Variants in EFCAB14 observed in about 807,000 individuals in gnomAD.
EFCAB14 encodes EF-hand calcium-binding domain-containing protein 14.
EFCAB14 carries 43 observed loss-of-function variants against 56.5 expected under a neutral mutation model. That is an observed-to-expected ratio of 0.76 (90% CI 0.60 to 0.98). The LOEUF (loss-of-function observed/expected upper bound fraction) is 0.98, where lower values mean the gene tolerates loss of function less well. Among genes scored for constraint, EFCAB14 ranks in the 50% least tolerant of loss-of-function variants. The probability of loss-of-function intolerance (pLI) is 0.00; values close to 1 mark genes in which losing one functional copy is unlikely to be tolerated. For synonymous variants in EFCAB14, 235 were observed against 212.9 expected (o/e 1.10, Z -0.90); for missense variants, 538 against 580.3 (o/e 0.93, Z 0.75).
At chr1:46,681,510 C>T (rs1676794346) in intron 10 of EFCAB14, among the ~76,000 whole-genome samples, 1 of 152,172 alleles carries the variant, frequency 6.6e-6, no homozygotes, top group Non-Finnish European at 1.5e-5. Context: ...CAAGGAGCTC[C>T]TATAAACAAG....
chr1:46,695,432 GCA>G (rs1227332127), intron 4 of EFCAB14, among the ~76,000 whole-genome samples: 1 of 152,086 alleles, frequency 6.6e-6, no homozygotes, highest in East Asian at 1.9e-4. Flanking sequence ...TGGAGACTGA[GCA>G]CACACAGATG....
chr1:46,706,312 T>C (rs1251504451), intron 3 of EFCAB14, among the ~76,000 whole-genome samples: 1 of 152,202 alleles, frequency 6.6e-6, no homozygotes, highest in Non-Finnish European at 1.5e-5. Flanking sequence ...TTAAAAATAA[T>C]GGCAGGCTAA....
intron 9 of EFCAB14, chr1:46,684,165 GAA>G (rs1377159185): frequency 4.4e-6 from 1 of 227,006 alleles, no homozygotes; most frequent in Non-Finnish European, 8.6e-6. Context: ...TTACAGAAAG[GAA>G]AAGACTCTCA....
chr1:46,709,612 C>G (rs186260707), intron 2 of EFCAB14, among the ~76,000 whole-genome samples: 27 of 152,268 alleles, frequency 1.8e-4, no homozygotes, highest in Non-Finnish European at 2.6e-4. Context: ...CAGAAGGGTT[C>G]AAATGCTTGT....
chr1:46,702,334 A>T (rs191349864), intron 3 of EFCAB14, among the ~76,000 whole-genome samples: 8 of 152,354 alleles, frequency 5.3e-5, no homozygotes, highest in Admixed American at 3.3e-4. Context: ...ATGAGTGATT[A>T]TTAGTCCTAG....
chr1:46,706,101 A>G (rs1181320254), intron 3 of EFCAB14, among the ~76,000 whole-genome samples: 1 of 152,170 alleles, frequency 6.6e-6, no homozygotes, highest in Non-Finnish European at 1.5e-5. Flanking sequence ...TCCTTGGATC[A>G]AGTGATTCTC....
In EFCAB14 at chr1:46,710,382, G is replaced by A. The variant is rs1313318349; in HGVS notation, c.335-2331C>T. Among the ~76,000 whole-genome samples, 3 of 152,032 alleles carry A rather than the reference G, an allele frequency of 2.0e-5. No homozygotes were observed. The South Asian group carries it at 6.2e-4, about 32-fold the overall frequency. Reference sequence around the variant, plus strand: ...CCTTATAGCTATTTGGAACTATCTAGTGTTAACTCTAGTCATGCTACAGTG... The same window carrying A: ...CCTTATAGCTATTTGGAACTATCTAATGTTAACTCTAGTCATGCTACAGTG... On this transcript the variant is annotated intron_variant, in intron 2 of 10. Coordinates refer to ENST00000371933, the MANE Select transcript of EFCAB14 (RefSeq NM_014774.3).
chr1:46,697,258 A>C (rs1051172587), intron 3 of EFCAB14, among the ~76,000 whole-genome samples: 18 of 152,344 alleles, frequency 1.2e-4, no homozygotes, highest in Middle Eastern at 3.4e-3. Context: ...GAAGGGGCTC[A>C]ATAAATACTC....
intron 3 of EFCAB14, among the ~76,000 whole-genome samples, chr1:46,701,568 G>C (rs1213659488): frequency 2.0e-5 from 3 of 152,164 alleles, no homozygotes. Flanking sequence ...AAGTATCTCG[G>C]GAATGGTAGT....
chr1:46,695,200 C>T (rs556807088), intron 4 of EFCAB14, among the ~76,000 whole-genome samples: 5 of 152,110 alleles, frequency 3.3e-5, no homozygotes, highest in Admixed American at 6.5e-5. Context: ...TGCACATGTA[C>T]CCTAGAACTT....
At chr1:46,689,728 G>A in intron 5 of EFCAB14, 37 bp from the exon 6 acceptor site, 4 of 1,546,732 alleles carry the variant, frequency 2.6e-6, no homozygotes, top group Non-Finnish European at 2.7e-6. Flanking sequence ...AGGCAACAAG[G>A]AATTATTAGG....
Position 46,678,366 on chromosome 1 carries a change from T to C in EFCAB14, c.*95A>G, listed in dbSNP as rs746146972. 1.3e-4 allele frequency: 173 copies of C among 1,343,234 alleles called. No individual in the cohort carries two copies. Among genetic ancestry groups the C allele is most frequent in the Non-Finnish European group, 1.7e-4 (169 of 967,092 alleles). 83.2% of individuals were successfully genotyped at this position (1,343,234 alleles called of 1,614,324 possible). A position where few individuals can be genotyped will look rare whatever the true frequency, so the allele number is the denominator to read the frequency against. ...GTGGCAAAGTATCTGCTACAGTAGTTTGGAGGACTAGAGGACTGATGGGTA... is the reference window on the plus strand; with the variant it reads ...GTGGCAAAGTATCTGCTACAGTAGTCTGGAGGACTAGAGGACTGATGGGTA... On this transcript the variant is annotated 3_prime_UTR_variant, in exon 11 of 11. Transcript: ENST00000371933.
At chr1:46,699,766 C>T (rs1044455279) in intron 3 of EFCAB14, among the ~76,000 whole-genome samples, 3 of 152,204 alleles carry the variant, frequency 2.0e-5, no homozygotes, top group Admixed American at 6.5e-5. Context: ...GAGGTGAAAC[C>T]TACTTCCCCT....
At position 46,718,245 on chromosome 1, in the gene EFCAB14, G is replaced by C; in HGVS notation, c.-158C>G. On this transcript the variant is annotated 5_prime_UTR_variant, in exon 1 of 11. Coordinates refer to ENST00000371933, the MANE Select transcript of EFCAB14 (RefSeq NM_014774.3). Reference sequence around the variant, plus strand: ...CCTAGGGGTGGGACTGACCAGATCCGCCAGGGACTGGAGATTGGAGCCCAG... The same window carrying C: ...CCTAGGGGTGGGACTGACCAGATCCCCCAGGGACTGGAGATTGGAGCCCAG... 1.6e-6 allele frequency: 1 copy of C among 639,188 alleles called. No homozygotes were observed. Among genetic ancestry groups the C allele is most frequent in the Non-Finnish European group, 2.7e-6 (1 of 376,552 alleles). 39.6% of individuals were successfully genotyped at this position (639,188 alleles called of 1,614,324 possible).
chr1:46,685,904 T>C (rs1676873543), intron 8 of EFCAB14, among the ~76,000 whole-genome samples: 1 of 152,218 alleles, frequency 6.6e-6, no homozygotes. Flanking sequence ...AAAACCTTAA[T>C]ATATTGTGAC....
rs17448647 is a variant in EFCAB14 at position 46,707,863 on chromosome 1, C to A, written c.480+43G>T. ...ATCCTATTCATACTAAACAACCAAA[C>A]AAATATTCATAGCTTACACAGCAAA... On this transcript the variant is annotated intron_variant, in intron 3 of 10. Transcript: ENST00000371933. 4.5e-3 allele frequency: 7,144 copies of A among 1,585,410 alleles called. 137 individuals are homozygous for A. Among genetic ancestry groups the A allele is most frequent in the Admixed American group, 0.043 (2,475 of 57,618 alleles).
chr1:46,696,771 C>A, intron 3 of EFCAB14, 122 bp from the exon 4 acceptor site: 1 of 837,940 alleles, frequency 1.2e-6, no homozygotes. Context: ...TTTCTGCAAC[C>A]CTGTCAGCTC....
chr1:46,706,727 G>C (rs1001471535), intron 3 of EFCAB14, among the ~76,000 whole-genome samples: 1 of 152,126 alleles, frequency 6.6e-6, no homozygotes, highest in African/African-American at 2.4e-5. Flanking sequence ...TAATTACTTA[G>C]AGTCCAAAGG....
chr1:46,678,150 T>G lies in EFCAB14; in HGVS notation c.*311A>C. 4.6e-6 allele frequency: 1 copy of G among 217,188 alleles called. No homozygotes were observed. The highest frequency in any genetic ancestry group is 9.0e-6 in the Non-Finnish European group (1 of 111,396). The allele number at this position is 217,188 out of a possible 1,614,324, so 13.5% of individuals were successfully genotyped here. ...TCTCTCTATATACATTTCCCAGCTT[T>G]AAAAGATAAGGTCTCCTCCCCTCAA... On this transcript the variant is annotated 3_prime_UTR_variant, in exon 11 of 11. Coordinates refer to ENST00000371933, the MANE Select transcript of EFCAB14 (RefSeq NM_014774.3).
Sources: allele counts gnomAD v4.1 joint callset (sites outside exome capture counted in the v4.1 genomes callset), GRCh38; gene constraint gnomAD v4.1.1; transcripts MANE v1.5; gene names NCBI Gene and HGNC (gene_info 2026-07-23, HGNC 2026-07-21).